NRXN1: variants seen among roughly 807,000 people sequenced by gnomAD.
NRXN1 encodes the protein neurexin-1.
In NRXN1, 39 loss-of-function variants were observed where a neutral mutation model predicts 150.9. The observed-to-expected ratio is 0.26, with a 90% CI of 0.20 to 0.34. The LOEUF is 0.34. NRXN1 is among the 10% of genes least tolerant of loss of function. The probability of loss-of-function intolerance (pLI) is 1.00; values close to 1 mark genes in which losing one functional copy is unlikely to be tolerated. For missense variants in NRXN1, 1,815 were observed against 1,949.9 expected, an observed-to-expected ratio of 0.93 and a Z score of 1.30; for synonymous variants, 924 against 757.0, an observed-to-expected ratio of 1.22 and a Z score of -3.62.
chr2:50,419,642 G>T (rs931249691), intron 17 of NRXN1, among the ~76,000 whole-genome samples: 1 of 151,936 alleles, frequency 6.6e-6, no homozygotes, highest in Non-Finnish European at 1.5e-5. Context: ...GATAAAGAAA[G>T]TAGGCAGGTG....
At position 49,990,102 on chromosome 2, in the gene NRXN1, TA is replaced by T. The variant is rs60517610; in HGVS notation, c.4129-46312del. 9.8e-4 allele frequency among the ~76,000 whole-genome samples: 147 copies of T among 149,444 alleles called. 1 individual carries two copies. The highest frequency in any genetic ancestry group is 2.5e-3 in the African/African-American group (102 of 40,622). On this transcript the variant is annotated intron_variant, in intron 21 of 22. Coordinates refer to ENST00000401669, the MANE Select transcript of NRXN1 (RefSeq NM_001330078.2). ...CATGCAACCAGCCAAGCAATAAATT[TA>T]AAAAAAAAAAAACTATCAAAGAGTG... is the stretch of plus-strand genomic sequence containing the variant.
chr2:49,972,478 G>A (rs899227538), intron 21 of NRXN1, among the ~76,000 whole-genome samples: 6 of 152,142 alleles, frequency 3.9e-5, no homozygotes, highest in Admixed American at 3.3e-4. Flanking sequence ...ACTTATTTAG[G>A]GAAAAATTTG....
intron 17 of NRXN1, among the ~76,000 whole-genome samples, chr2:50,336,150 T>C (rs1387857324): frequency 1.3e-5 from 2 of 152,212 alleles, no homozygotes; most frequent in African/African-American, 2.4e-5. Context: ...AATTCCAGAA[T>C]TCCTGTAATG....
At chr2:50,864,910 T>C (rs1676661485) in intron 5 of NRXN1, among the ~76,000 whole-genome samples, 1 of 151,992 alleles carries the variant, frequency 6.6e-6, no homozygotes, top group Admixed American at 6.6e-5. Flanking sequence ...GGGTGGGGCC[T>C]TTCTAACAAG....
chr2:50,203,310 C>T (rs942352342), intron 18 of NRXN1, among the ~76,000 whole-genome samples: 2 of 152,122 alleles, frequency 1.3e-5, no homozygotes, highest in Non-Finnish European at 2.9e-5. Flanking sequence ...GTGTAGGAAA[C>T]AAACTCTGAA....
chr2:50,968,369 A>G (rs1299440405), intron 2 of NRXN1, among the ~76,000 whole-genome samples: 3 of 152,090 alleles, frequency 2.0e-5, no homozygotes, highest in Non-Finnish European at 4.4e-5. Flanking sequence ...TACTAACTTA[A>G]TATCAGCCAT....
chr2:50,910,009 A>G (rs1468753570), intron 5 of NRXN1, among the ~76,000 whole-genome samples: 3 of 150,762 alleles, frequency 2.0e-5, no homozygotes, highest in Non-Finnish European at 3.0e-5. Context: ...GACTAGCCTC[A>G]GCTATTTTTT....
intron 22 of NRXN1, among the ~76,000 whole-genome samples, chr2:49,928,072 G>A (rs1393848765): frequency 6.6e-6 from 1 of 151,570 alleles, no homozygotes; most frequent in Non-Finnish European, 1.5e-5. Flanking sequence ...TTGAGAAAAA[G>A]ATTGTAAGAA....
chr2:50,588,334 T>C (rs9784078), intron 8 of NRXN1, among the ~76,000 whole-genome samples: 1 of 152,252 alleles, frequency 6.6e-6, no homozygotes, highest in South Asian at 2.1e-4. Flanking sequence ...AAAATAACAT[T>C]AAACTAAATA....
At chr2:50,094,840 C>T (rs562597344) in intron 18 of NRXN1, among the ~76,000 whole-genome samples, 1 of 151,892 alleles carries the variant, frequency 6.6e-6, no homozygotes, top group Non-Finnish European at 1.5e-5. Flanking sequence ...AAATGACCAT[C>T]TGAAGGAAGT....
intron 21 of NRXN1, among the ~76,000 whole-genome samples, chr2:50,035,011 C>A (rs1399970475): frequency 1.3e-5 from 2 of 152,060 alleles, no homozygotes; most frequent in Non-Finnish European, 2.9e-5. Flanking sequence ...AAGTCATATA[C>A]CTTTCTTATA....
chr2:50,670,119 G>T (rs778977262), intron 5 of NRXN1, among the ~76,000 whole-genome samples: 11 of 151,602 alleles, frequency 7.3e-5, no homozygotes, highest in Non-Finnish European at 1.6e-4. Flanking sequence ...GGGAAAATAT[G>T]AATCTTAAGA....
chr2:50,620,303 C>CT (rs3832122), intron 7 of NRXN1, 120 bp from the exon 8 acceptor site: 2 of 1,161,754 alleles, frequency 1.7e-6, no homozygotes, highest in South Asian at 1.7e-5. Flanking sequence ...TTGCTTTTTT[C>CT]TTTTTTTCTG....
rs2078123048 is a variant in NRXN1 at position 50,347,577 on chromosome 2, T to G, written c.3365-110607A>C. Reference sequence around the variant, plus strand: ...CGGAGCAGCGGCGCGCATCGCCTGCTCCCGAGGCAATCTCCGCGTCCGCCG... The same window carrying G: ...CGGAGCAGCGGCGCGCATCGCCTGCGCCCGAGGCAATCTCCGCGTCCGCCG... On this transcript the variant is annotated intron_variant, in intron 17 of 22. Coordinates refer to ENST00000401669, the MANE Select transcript of NRXN1 (RefSeq NM_001330078.2). This position sits in a 1 kb window ranked among gnomAD's most constrained non-coding sequence, Gnocchi z 4.9. The G allele has an allele frequency of 9.9e-7, 1 of 1,013,764 alleles. No homozygotes were observed. Among genetic ancestry groups the G allele is most frequent in the African/African-American group, 1.7e-5 (1 of 57,446 alleles). 62.8% of individuals were successfully genotyped at this position (1,013,764 alleles called of 1,614,324 possible).
chr2:50,192,411 T>C (rs1182052123), intron 18 of NRXN1, among the ~76,000 whole-genome samples: 1 of 152,114 alleles, frequency 6.6e-6, no homozygotes, highest in Non-Finnish European at 1.5e-5. Flanking sequence ...TTAGTGAACA[T>C]CCATTCAATA....
chr2:50,713,943 T>A (rs1296956213), intron 5 of NRXN1, among the ~76,000 whole-genome samples: 1 of 152,176 alleles, frequency 6.6e-6, no homozygotes, highest in Non-Finnish European at 1.5e-5. Context: ...CATTGCTGAA[T>A]TTAAATTATA....
intron 18 of NRXN1, among the ~76,000 whole-genome samples, chr2:50,185,859 CTT>C (rs2061036112): frequency 6.6e-6 from 1 of 152,078 alleles, no homozygotes; most frequent in Non-Finnish European, 1.5e-5. Flanking sequence ...AATGGTCACT[CTT>C]TTAAACTTCA....
At chr2:50,370,039 A>G (rs1014269963) in intron 17 of NRXN1, among the ~76,000 whole-genome samples, 4 of 151,992 alleles carry the variant, frequency 2.6e-5, no homozygotes, top group Non-Finnish European at 5.9e-5. Flanking sequence ...GCTGACCTCA[A>G]TTTCTACCTC....
At chr2:50,445,325 G>C (rs114078545) in intron 17 of NRXN1, among the ~76,000 whole-genome samples, 3 of 152,158 alleles carry the variant, frequency 2.0e-5, no homozygotes, top group Non-Finnish European at 4.4e-5. Context: ...TTCAACTAGA[G>C]GAAGTACGTG....
Sources: allele counts gnomAD v4.1 joint callset (sites outside exome capture counted in the v4.1 genomes callset), GRCh38; gene constraint gnomAD v4.1.1; non-coding constraint Gnocchi (gnomAD v3.1); transcripts MANE v1.5; gene names NCBI Gene and HGNC (gene_info 2026-07-23, HGNC 2026-07-21).